Variants in SLIT2 observed in about 807,000 individuals in gnomAD.
The protein encoded by SLIT2 is slit homolog 2 protein.
A neutral mutation model predicts 185.7 loss-of-function variants in SLIT2; 41 were observed. That is an observed-to-expected ratio of 0.22 (90% CI 0.17 to 0.29). The LOEUF is 0.29. Ranked by LOEUF, SLIT2 falls within the 10% of genes least tolerant of loss-of-function variation. The probability of loss-of-function intolerance (pLI) is 1.00; values close to 1 mark genes in which losing one functional copy is unlikely to be tolerated. For missense variants in SLIT2, 1,571 were observed against 1,909.0 expected, an observed-to-expected ratio of 0.82 and a Z score of 3.30; for synonymous variants, 693 against 680.2, an observed-to-expected ratio of 1.02 and a Z score of -0.29.
intron 4 of SLIT2, among the ~76,000 whole-genome samples, chr4:20,302,555 G>A (rs1717154365): frequency 6.6e-6 from 1 of 152,256 alleles, no homozygotes; most frequent in African/African-American, 2.4e-5. Context: ...AGAGGCTAGA[G>A]CATTCACTTT....
At chr4:20,255,108 G>C (rs1193763249) in intron 1 of SLIT2, 1 of 454,474 alleles carries the variant, frequency 2.2e-6, no homozygotes, top group Admixed American at 2.4e-5. Flanking sequence ...CGTGTGGGCC[G>C]GGAGTAAGCG....
At chr4:20,339,424 G>A (rs548519024) in intron 4 of SLIT2, among the ~76,000 whole-genome samples, 2 of 152,100 alleles carry the variant, frequency 1.3e-5, no homozygotes, top group East Asian at 3.9e-4. Flanking sequence ...TTCAAGAAAG[G>A]CACAGCAACA....
chr4:20,474,768 T>C (rs1338827807), intron 5 of SLIT2, among the ~76,000 whole-genome samples: 1 of 152,108 alleles, frequency 6.6e-6, no homozygotes, highest in Non-Finnish European at 1.5e-5. Flanking sequence ...TCTCATTAGA[T>C]AATTTTAACA....
At chr4:20,547,534 T>A (rs1013382259) in intron 22 of SLIT2, among the ~76,000 whole-genome samples, 9 of 152,036 alleles carry the variant, frequency 5.9e-5, no homozygotes, top group Admixed American at 1.3e-4. Flanking sequence ...ATTTTCACAA[T>A]TTCATGGGTC....
intron 4 of SLIT2, among the ~76,000 whole-genome samples, chr4:20,342,492 G>A (rs564239278): frequency 6.5e-4 from 99 of 152,086 alleles, no homozygotes; most frequent in Non-Finnish European, 1.0e-3. Flanking sequence ...TTGAGAAGAG[G>A]TGGAATTTGA....
rs1391079730 is a variant in SLIT2 at position 20,352,797 on chromosome 4, C to T, written c.395+83916C>T. Among the ~76,000 whole-genome samples, 7 of 152,086 alleles carry T rather than the reference C, an allele frequency of 4.6e-5. No individual in the cohort carries two copies. In the East Asian group the frequency reaches 9.6e-4, roughly 21 times the overall value. Reference sequence around the variant, plus strand: ...GCATGGTGGCATGCACCTATAGTCCCAGCTACTCGGGAGGCTGAGGTGGGA... The same window carrying T: ...GCATGGTGGCATGCACCTATAGTCCTAGCTACTCGGGAGGCTGAGGTGGGA... On this transcript the variant is annotated intron_variant, in intron 4 of 36. Transcript: ENST00000504154.
chr4:20,378,852 G>A (rs531787948), intron 4 of SLIT2, among the ~76,000 whole-genome samples: 1 of 152,216 alleles, frequency 6.6e-6, no homozygotes, highest in African/African-American at 2.4e-5. Context: ...CCTTCAGTAT[G>A]TAAATGAATA....
At chr4:20,571,525 C>T (rs1725604792) in intron 29 of SLIT2, among the ~76,000 whole-genome samples, 1 of 152,160 alleles carries the variant, frequency 6.6e-6, no homozygotes, top group South Asian at 2.1e-4. Flanking sequence ...ATCATTGACA[C>T]ATAAGTGACC....
At chr4:20,386,099 A>G (rs1230410162) in intron 4 of SLIT2, among the ~76,000 whole-genome samples, 4 of 152,172 alleles carry the variant, frequency 2.6e-5, no homozygotes, top group African/African-American at 7.2e-5. Context: ...TGATATATGT[A>G]TAAGTGTATA....
intron 4 of SLIT2, among the ~76,000 whole-genome samples, chr4:20,460,224 C>T (rs1293810326): frequency 1.3e-5 from 2 of 151,982 alleles, no homozygotes; most frequent in Non-Finnish European, 2.9e-5. Context: ...GATGGTGTAC[C>T]ACATGCCAGT....
At chr4:20,268,963 C>T in intron 4 of SLIT2, 82 bp downstream of exon 4, 1 of 861,130 alleles carries the variant, frequency 1.2e-6, no homozygotes, top group South Asian at 1.4e-5. Context: ...TTTGTGTGTG[C>T]TTTCCTGGAA....
intron 26 of SLIT2, among the ~76,000 whole-genome samples, chr4:20,559,318 G>A (rs1724508144): frequency 6.6e-6 from 1 of 151,952 alleles, no homozygotes; most frequent in African/African-American, 2.4e-5. Flanking sequence ...TTGGCAAGCA[G>A]AGTAGACATT....
At chr4:20,291,552 C>A (rs1181595529) in intron 4 of SLIT2, among the ~76,000 whole-genome samples, 1 of 124,356 alleles carries the variant, frequency 8.0e-6, no homozygotes, top group African/African-American at 3.1e-5. Context: ...ATTGCATGGT[C>A]CTAAATGTAG....
At chr4:20,501,535 C>T (rs974435879) in intron 9 of SLIT2, among the ~76,000 whole-genome samples, 5 of 152,206 alleles carry the variant, frequency 3.3e-5, no homozygotes, top group South Asian at 4.1e-4. Flanking sequence ...CTGCCTGCCT[C>T]GGCCTCTCAA....
At chr4:20,405,089 C>T (rs1726674853) in intron 4 of SLIT2, among the ~76,000 whole-genome samples, 1 of 151,842 alleles carries the variant, frequency 6.6e-6, no homozygotes, top group South Asian at 2.1e-4. Flanking sequence ...TTAAAAAATA[C>T]ATATAACACA....
intron 4 of SLIT2, among the ~76,000 whole-genome samples, chr4:20,446,693 C>A (rs1029833738): frequency 1.3e-5 from 2 of 152,176 alleles, no homozygotes; most frequent in African/African-American, 4.8e-5. Context: ...CTCTGCATAT[C>A]TCTCTGTTCA....
At chr4:20,541,644 G>C in intron 20 of SLIT2, 25 bp downstream of exon 20, 1 of 1,606,238 alleles carries the variant, frequency 6.2e-7, no homozygotes, top group Non-Finnish European at 8.5e-7. Flanking sequence ...TCAACTCTTT[G>C]ATTGTCAGGC....
chr4:20,333,058 G>A (rs961366372), intron 4 of SLIT2, among the ~76,000 whole-genome samples: 3 of 152,066 alleles, frequency 2.0e-5, no homozygotes, highest in Non-Finnish European at 4.4e-5. Flanking sequence ...TCAGTTTGGA[G>A]TTACCACATG....
intron 7 of SLIT2, among the ~76,000 whole-genome samples, chr4:20,486,537 C>T (rs894372472): frequency 6.6e-6 from 1 of 152,018 alleles, no homozygotes; most frequent in African/African-American, 2.4e-5. Flanking sequence ...GGTCACATTT[C>T]ATTAAGAAAT....
Sources: gnomAD v4.1 joint callset for allele counts (sites outside exome capture counted in the v4.1 genomes callset) on GRCh38, gnomAD v4.1.1 for gene constraint, MANE v1.5 for transcripts, NCBI Gene and HGNC (gene_info 2026-07-23, HGNC 2026-07-21) for gene names.